RP1: variants seen among roughly 807,000 people sequenced by gnomAD.
The protein encoded by RP1 is RP1 axonemal microtubule associated.
RP1 carries 16 observed loss-of-function variants against 14.8 expected under a neutral mutation model. The observed-to-expected ratio is 1.08, with a 90% CI of 0.73 to 1.65. The LOEUF (loss-of-function observed/expected upper bound fraction) is 1.65. Ranked by LOEUF, RP1 falls within the 40% of genes most tolerant of loss-of-function variation. The pLI is 0.00. For synonymous variants in RP1, 876 were observed against 883.6 expected (o/e 0.99, Z 0.15); for missense variants, 2,631 against 2,535.0 (o/e 1.04, Z -0.81).
intron 26 of RP1, among the ~76,000 whole-genome samples, chr8:54,853,467 G>A (rs1812101932): frequency 6.6e-6 from 1 of 152,122 alleles, no homozygotes; most frequent in Non-Finnish European, 1.5e-5. Context: ...TGGGCACCAG[G>A]AGCAGCAGTG....
chr8:54,784,094 T>C (rs901398156), intron 24 of RP1, among the ~76,000 whole-genome samples: 9 of 152,242 alleles, frequency 5.9e-5, no homozygotes, highest in Non-Finnish European at 1.0e-4. Context: ...TGATGGAGCA[T>C]GATGGTATGA....
At chr8:54,577,228 C>G (rs60446144) in intron 1 of RP1, among the ~76,000 whole-genome samples, 33,722 of 151,976 alleles carry the variant, frequency 0.22, 3,943 homozygotes, top group East Asian at 0.36. Flanking sequence ...GTTGGTCAAC[C>G]TGGTCTCGAA....
chr8:54,703,232 T>C (rs537769299), intron 14 of RP1, among the ~76,000 whole-genome samples: 9 of 152,288 alleles, frequency 5.9e-5, no homozygotes, highest in African/African-American at 2.2e-4. Context: ...AGCTATAGTA[T>C]TAGGAAATGT....
chr8:54,616,451 T>A (rs3857921), intron 1 of RP1, among the ~76,000 whole-genome samples: 1 of 152,294 alleles, frequency 6.6e-6, no homozygotes, highest in African/African-American at 2.4e-5. Context: ...AAATGAGTAA[T>A]GTTTACTTTG....
intron 17 of RP1, among the ~76,000 whole-genome samples, chr8:54,730,141 A>C (rs369153953): frequency 6.6e-6 from 1 of 152,094 alleles, no homozygotes; most frequent in Non-Finnish European, 1.5e-5. Context: ...AGATAATCCT[A>C]ATCACTTGAA....
At chr8:54,788,383 A>C (rs1200061001) in intron 24 of RP1, among the ~76,000 whole-genome samples, 2 of 152,132 alleles carry the variant, frequency 1.3e-5, no homozygotes, top group African/African-American at 2.4e-5. Context: ...TTAGCATGTC[A>C]TTTTGATTTT....
intron 1 of RP1, among the ~76,000 whole-genome samples, chr8:54,606,517 T>G (rs1266848762): frequency 6.6e-6 from 1 of 152,286 alleles, no homozygotes; most frequent in East Asian, 1.9e-4. Context: ...GACAATTATG[T>G]GTCTTGGAGT....
chr8:54,850,286 A>G (rs185141746), intron 25 of RP1, among the ~76,000 whole-genome samples: 2 of 152,310 alleles, frequency 1.3e-5, no homozygotes, highest in East Asian at 3.9e-4. Flanking sequence ...TTCAGGTAAA[A>G]TGATCTCCAT....
At position 54,621,269 on chromosome 8, in the gene RP1, C is replaced by G. The variant is rs1464339106; in HGVS notation, c.303C>G (p.Gly101=). Residue 101 remains glycine, a synonymous_variant, in exon 2 of 4, where the codon GGC becomes GGG. Coordinates refer to ENST00000220676, the MANE Select transcript of RP1 (RefSeq NM_006269.2). ...SITRLEELED[G]ESYLCSHGRK... is the part of the protein sequence containing the mutation. ...CGCGCCTGGAGGAGCTGGAGGACGGCGAGTCCTACCTATGTTCCCACGGCA... is the reference window on the plus strand; with the variant it reads ...CGCGCCTGGAGGAGCTGGAGGACGGGGAGTCCTACCTATGTTCCCACGGCA... The G allele has an allele frequency of 2.5e-6, 4 of 1,614,030 alleles. No individual in the cohort carries two copies. In the Admixed American group the frequency reaches 6.7e-5, roughly 27 times the overall value.
At chr8:54,695,958 G>T (rs1807849639) in intron 12 of RP1, among the ~76,000 whole-genome samples, 1 of 152,082 alleles carries the variant, frequency 6.6e-6, no homozygotes, top group Non-Finnish European at 1.5e-5. Context: ...TCCATTTGGA[G>T]TGGTCTATTG....
intron 28 of RP1, chr8:54,865,950 G>C (rs1812448593): frequency 1.0e-6 from 1 of 985,102 alleles, no homozygotes; most frequent in Non-Finnish European, 1.3e-6. Flanking sequence ...GCAAAATTAT[G>C]CTCTCTTTGT....
At chr8:54,706,013 C>A (rs1184594210) in intron 14 of RP1, among the ~76,000 whole-genome samples, 2 of 151,992 alleles carry the variant, frequency 1.3e-5, no homozygotes, top group East Asian at 3.9e-4. Flanking sequence ...TTAAATATAT[C>A]TTATTTGTAT....
At chr8:54,598,904 G>A (rs954334531) in intron 1 of RP1, among the ~76,000 whole-genome samples, 2 of 151,972 alleles carry the variant, frequency 1.3e-5, no homozygotes, top group Admixed American at 6.6e-5. Context: ...AATTATTTTC[G>A]CTGTCTTTAG....
intron 3 of RP1, among the ~76,000 whole-genome samples, chr8:54,648,720 A>C (rs1806597987): frequency 6.6e-6 from 1 of 152,158 alleles, no homozygotes; most frequent in African/African-American, 2.4e-5. Flanking sequence ...AGGTATGACC[A>C]ACAATAATAT....
chr8:54,777,059 T>C (rs1468854272), intron 23 of RP1, among the ~76,000 whole-genome samples: 1 of 152,230 alleles, frequency 6.6e-6, no homozygotes, highest in Non-Finnish European at 1.5e-5. Flanking sequence ...GGGAAATCAC[T>C]GTATTTCTTT....
chr8:54,734,654 G>A, exon 18 of RP1: 1 of 1,535,804 alleles, frequency 6.5e-7, no homozygotes. Flanking sequence ...CTCTCTGGGT[G>A]TATGGAGATA....
chr8:54,805,862 G>A (rs1202685372), intron 24 of RP1, among the ~76,000 whole-genome samples: 5 of 152,058 alleles, frequency 3.3e-5, no homozygotes, highest in Admixed American at 3.3e-4. Context: ...GTGATCAGGT[G>A]TGTTTCCCAG....
At position 54,664,850 on chromosome 8, in the gene RP1, G is replaced by A. The variant is rs143544822; in HGVS notation, c.1323+1000G>A. ...GACACTAGGGTGTGGAGAGGGATGT[G>A]AGAGAAGGAGGCAAGGATTGAAAAA... On this transcript the variant is annotated intron_variant, in intron 7 of 22. Coordinates refer to the RP1 transcript ENST00000636932. Among the ~76,000 whole-genome samples the A allele has an allele frequency of 6.3e-4, 96 of 152,240 alleles. 1 individual carries two copies. Among genetic ancestry groups the A allele is most frequent in the Non-Finnish European group, 1.1e-3 (76 of 68,006 alleles).
intron 24 of RP1, among the ~76,000 whole-genome samples, chr8:54,806,136 A>G (rs571566245): frequency 1.3e-4 from 20 of 152,236 alleles, no homozygotes; most frequent in Non-Finnish European, 2.4e-4. Context: ...CTCCTGCCTC[A>G]GCCTCCTGAG....
Sources: gnomAD v4.1 joint callset for allele counts (sites outside exome capture counted in the v4.1 genomes callset) on GRCh38, gnomAD v4.1.1 for gene constraint, MANE v1.5 for transcripts, NCBI Gene and HGNC (gene_info 2026-07-23, HGNC 2026-07-21) for gene names.